The following KIAA1328 variants were observed in gnomAD, a reference collection of about 807,000 sequenced individuals.
KIAA1328 encodes the protein KIAA1328, also known as protein hinderin.
Under a neutral mutation model 68.1 loss-of-function variants are expected in KIAA1328, and 52 were observed. The observed-to-expected ratio is 0.76, with a 90% CI of 0.61 to 0.96. The LOEUF is 0.96. Ranked by LOEUF, KIAA1328 falls within the 40% of genes least tolerant of loss-of-function variation. The probability of loss-of-function intolerance (pLI) is 0.00; values close to 1 mark genes in which losing one functional copy is unlikely to be tolerated. For missense variants in KIAA1328, 641 were observed against 677.6 expected, an observed-to-expected ratio of 0.95 and a Z score of 0.60; for synonymous variants, 232 against 239.4, an observed-to-expected ratio of 0.97 and a Z score of 0.28.
chr18:36,963,364 A>G (rs1414643468), intron 6 of KIAA1328, among the ~76,000 whole-genome samples: 1 of 152,164 alleles, frequency 6.6e-6, no homozygotes, highest in Non-Finnish European at 1.5e-5. Flanking sequence ...CACAAAACGG[A>G]AGGCCAATCC....
At chr18:36,929,731 T>C (rs1303449279) in intron 5 of KIAA1328, among the ~76,000 whole-genome samples, 1 of 152,036 alleles carries the variant, frequency 6.6e-6, no homozygotes, top group African/African-American at 2.4e-5. Flanking sequence ...CTTTCTCTGA[T>C]GTGGAAATAT....
intron 6 of KIAA1328, among the ~76,000 whole-genome samples, chr18:37,058,168 G>A (rs2055997589): frequency 6.6e-6 from 1 of 152,142 alleles, no homozygotes; most frequent in Non-Finnish European, 1.5e-5. Context: ...GTTATGTGCA[G>A]AGAGATGTGG....
intron 5 of KIAA1328, among the ~76,000 whole-genome samples, chr18:36,949,095 G>A (rs2051034165): frequency 6.6e-6 from 1 of 152,112 alleles, no homozygotes; most frequent in South Asian, 2.1e-4. Flanking sequence ...AAGCTTCTTG[G>A]GGGAGAGGTA....
chr18:37,116,031 A>G (rs1047640759), intron 7 of KIAA1328, among the ~76,000 whole-genome samples: 3 of 152,234 alleles, frequency 2.0e-5, no homozygotes, highest in African/African-American at 7.2e-5. Context: ...AAATGGAAGA[A>G]CATTCCATGC....
intron 8 of KIAA1328, 25 bp downstream of exon 8, chr18:37,160,406 A>G: frequency 6.3e-7 from 1 of 1,592,642 alleles, no homozygotes; most frequent in Non-Finnish European, 8.6e-7. Flanking sequence ...TGTAGTGGCA[A>G]AATGAGAAAC....
chr18:37,154,560 A>G (rs144201945), intron 7 of KIAA1328, among the ~76,000 whole-genome samples: 2 of 152,176 alleles, frequency 1.3e-5, no homozygotes, highest in African/African-American at 4.8e-5. Context: ...CATAACTCCT[A>G]CCATCATTCT....
In KIAA1328 at chr18:36,829,195, C is replaced by G. The variant is rs2046358909; in HGVS notation, c.57C>G (p.Asp19Glu). Residue 19 changes from aspartate (D) to glutamate (E), a missense_variant and splice_region_variant, in exon 1 of 10, where the codon GAC (aspartate) becomes GAG (glutamate). Asp to Glu is a conservative substitution (Grantham distance 45, BLOSUM62 2). Transcript: ENST00000280020. ...GTGCCGCGGCGTTCTGGAGCCGGGA[C>G]TGTATCCTTTGCCCGCCTGACAGGG... ...RPSAAAFWSR[D>E]FSDEEQSVVY... The G allele has an allele frequency of 6.5e-7, 1 of 1,528,402 alleles. No individual in the cohort carries two copies. 94.7% of individuals were successfully genotyped at this position (1,528,402 alleles called of 1,614,324 possible). A position where few individuals can be genotyped will look rare whatever the true frequency, so the allele number is the denominator to read the frequency against.
In KIAA1328 at chr18:37,203,291, A is replaced by G. The variant is rs897292735; in HGVS notation, c.1524-18726A>G. Among the ~76,000 whole-genome samples the G allele has an allele frequency of 1.2e-4, 19 of 152,164 alleles. No individual in the cohort carries two copies. In the East Asian group the frequency reaches 1.3e-3, roughly 11 times the overall value. ...AACCTTTTATAGTTTTTTCCATTTC[A>G]TAAACATTTTATAAACTTTTATAGT... On this transcript the variant is annotated intron_variant, in intron 9 of 9. Coordinates refer to ENST00000280020, the MANE Select transcript of KIAA1328 (RefSeq NM_020776.3).
chr18:37,223,219 C>G lies in KIAA1328; in HGVS notation c.*992C>G. The G allele has an allele frequency of 1.2e-5, 12 of 985,322 alleles. No homozygotes were observed. The highest frequency in any genetic ancestry group is 1.4e-5 in the Non-Finnish European group (12 of 829,936). 61.0% of individuals were successfully genotyped at this position (985,322 alleles called of 1,614,324 possible). On this transcript the variant is annotated 3_prime_UTR_variant, in exon 10 of 10. Coordinates refer to ENST00000280020, the MANE Select transcript of KIAA1328 (RefSeq NM_020776.3). ...AAGGATACAAGCTGACCAGGCCTCACAGGTGCTCTGCTCGTGGCCCCAAAG... is the reference window on the plus strand; with the variant it reads ...AAGGATACAAGCTGACCAGGCCTCAGAGGTGCTCTGCTCGTGGCCCCAAAG...
chr18:36,831,314 ATTG>A (rs141900510), intron 1 of KIAA1328, among the ~76,000 whole-genome samples: 15 of 149,564 alleles, frequency 1.0e-4, no homozygotes, highest in African/African-American at 3.7e-4. Flanking sequence ...TTTTTTTTTT[ATTG>A]TTGTTGTTGT....
intron 7 of KIAA1328, among the ~76,000 whole-genome samples, chr18:37,119,545 C>T (rs1210912699): frequency 6.6e-6 from 1 of 152,118 alleles, no homozygotes; most frequent in Non-Finnish European, 1.5e-5. Flanking sequence ...AGCAAGCAAG[C>T]TCTCCAGTGT....
At chr18:37,130,248 G>T (rs2058490044) in intron 7 of KIAA1328, among the ~76,000 whole-genome samples, 1 of 152,180 alleles carries the variant, frequency 6.6e-6, no homozygotes, top group African/African-American at 2.4e-5. Context: ...TTTCATTTAT[G>T]CTGTGCTGTA....
At chr18:36,932,146 A>G (rs2050333737) in intron 5 of KIAA1328, among the ~76,000 whole-genome samples, 1 of 152,134 alleles carries the variant, frequency 6.6e-6, no homozygotes, top group Middle Eastern at 3.4e-3. Flanking sequence ...TCTTTATGAC[A>G]AAGATCGTAT....
At chr18:36,998,829 G>T (rs2053489230) in intron 6 of KIAA1328, among the ~76,000 whole-genome samples, 1 of 152,186 alleles carries the variant, frequency 6.6e-6, no homozygotes, top group African/African-American at 2.4e-5. Context: ...CGACTACTGT[G>T]CCACATGTGC....
intron 2 of KIAA1328, among the ~76,000 whole-genome samples, chr18:36,834,818 A>G (rs1015991079): frequency 2.0e-5 from 3 of 152,172 alleles, no homozygotes; most frequent in Non-Finnish European, 4.4e-5. Flanking sequence ...TATATTTGGC[A>G]TATCGTAATT....
intron 6 of KIAA1328, among the ~76,000 whole-genome samples, chr18:36,969,679 A>G (rs992572311): frequency 1.6e-4 from 24 of 152,220 alleles, no homozygotes; most frequent in African/African-American, 5.5e-4. Context: ...GACCAGATAA[A>G]TTCACAGCCA....
intron 6 of KIAA1328, among the ~76,000 whole-genome samples, chr18:37,038,639 G>A (rs922293131): frequency 2.0e-5 from 3 of 151,954 alleles, no homozygotes; most frequent in African/African-American, 7.2e-5. Context: ...CTACATAAAG[G>A]ATTATGGCAC....
chr18:36,970,098 G>C (rs1196463307), intron 6 of KIAA1328, among the ~76,000 whole-genome samples: 1 of 152,162 alleles, frequency 6.6e-6, no homozygotes, highest in Non-Finnish European at 1.5e-5. Context: ...ACATTAAAAA[G>C]CTTGTCCATC....
chr18:37,223,905 A>G lies in KIAA1328; in HGVS notation c.*1678A>G, dbSNP rs2060605849. ...CTTCTGAAATAAATATAAAGTCAAG[A>G]CTAACTAGTTATAATCATTCCCTTA... is the stretch of plus-strand genomic sequence containing the variant. On this transcript the variant is annotated 3_prime_UTR_variant, in exon 10 of 10. Transcript: ENST00000280020. The G allele has an allele frequency of 2.0e-6, 2 of 981,964 alleles. No homozygotes were observed. Among genetic ancestry groups the G allele is most frequent in the Non-Finnish European group, 2.4e-6 (2 of 826,928 alleles). The allele number at this position is 981,964 out of a possible 1,614,324, so 60.8% of individuals were successfully genotyped here. A position where few individuals can be genotyped will look rare whatever the true frequency, so the allele number is the denominator to read the frequency against.
Sources: gnomAD v4.1 joint callset for allele counts (sites outside exome capture counted in the v4.1 genomes callset) on GRCh38, gnomAD v4.1.1 for gene constraint, MANE v1.5 for transcripts, NCBI Gene and HGNC (gene_info 2026-07-23, HGNC 2026-07-21) for gene names.